MIPEP: variants seen among roughly 807,000 people sequenced by gnomAD.
MIPEP encodes mitochondrial intermediate peptidase.
MIPEP carries 79 observed loss-of-function variants against 90.3 expected under a neutral mutation model. The ratio of observed to expected loss-of-function variants is 0.87; its 90% CI spans 0.73 to 1.05. The LOEUF (loss-of-function observed/expected upper bound fraction) is 1.05. Among genes scored for constraint, MIPEP ranks in the 50% least tolerant of loss-of-function variants. The pLI is 0.00. For synonymous variants in MIPEP, 334 were observed against 315.8 expected (o/e 1.06, Z -0.61); for missense variants, 940 against 905.6 (o/e 1.04, Z -0.49).
Position 23,771,954 on chromosome 13 carries a change from G to A in MIPEP, c.1849-11737C>T, listed in dbSNP as rs561158016. On this transcript the variant is annotated intron_variant, in intron 16 of 18. Coordinates refer to ENST00000382172, the MANE Select transcript of MIPEP (RefSeq NM_005932.4). ...AAAAGCCAGACGTGTGCAATTAGGAGGTGTGTCTTACGAAGGATTATGCTC... is the reference window on the plus strand; with the variant it reads ...AAAAGCCAGACGTGTGCAATTAGGAAGTGTGTCTTACGAAGGATTATGCTC... 1.5e-3 allele frequency among the ~76,000 whole-genome samples: 225 copies of A among 152,154 alleles called. 1 individual carries two copies. Among genetic ancestry groups the A allele is most frequent in the Middle Eastern group, 6.8e-3 (2 of 294 alleles).
rs766225721 is a variant in MIPEP at position 23,869,389 on chromosome 13, TA to T, written c.845del (p.Leu282Ter). 1 of 1,613,256 alleles carries T rather than the reference TA, an allele frequency of 6.2e-7. No individual in the cohort carries two copies. The highest frequency in any genetic ancestry group is 8.5e-7 in the Non-Finnish European group (1 of 1,179,838). On this transcript the variant is annotated frameshift_variant, in exon 7 of 19. Coordinates refer to ENST00000382172, the MANE Select transcript of MIPEP (RefSeq NM_005932.4). LOFTEE classifies it high-confidence loss of function. The stretch of plus-strand genomic sequence containing the variant: ...GATCTCTGCTGCTGAGCAATTCTTC[TA>T]AACATTTCAATTGACCAGCATTGGG... ...LYPNAGQLKC[L>X]EELLSSRDLL...
At chr13:23,853,918 C>T (rs976403306) in intron 10 of MIPEP, among the ~76,000 whole-genome samples, 1 of 150,974 alleles carries the variant, frequency 6.6e-6, no homozygotes, top group Non-Finnish European at 1.5e-5. Context: ...CATGACTGTA[C>T]ATTAGTAATG....
intron 16 of MIPEP, among the ~76,000 whole-genome samples, chr13:23,798,219 G>T (rs1952985641): frequency 6.6e-6 from 1 of 152,144 alleles, no homozygotes; most frequent in African/African-American, 2.4e-5. Flanking sequence ...AAAAACAAAA[G>T]TGTGTTTGCT....
chr13:23,749,868 T>C (rs1013958791), intron 18 of MIPEP, among the ~76,000 whole-genome samples: 10 of 152,120 alleles, frequency 6.6e-5, no homozygotes, highest in African/African-American at 2.2e-4. Context: ...TTTCACAGTA[T>C]CCACAATGCC....
intron 9 of MIPEP, among the ~76,000 whole-genome samples, chr13:23,859,477 G>A (rs2137497963): frequency 6.6e-6 from 1 of 152,330 alleles, no homozygotes. Flanking sequence ...AGAAGGGAAA[G>A]CTTGAATACT....
chr13:23,760,408 C>T (rs1952529418), intron 16 of MIPEP, 191 bp from the exon 17 acceptor site: 3 of 790,142 alleles, frequency 3.8e-6, no homozygotes, highest in South Asian at 1.4e-5. Flanking sequence ...AACTGTGTCT[C>T]CTGAAAATTC....
At chr13:23,888,554 T>C (rs1369566950) in intron 1 of MIPEP, 8 of 287,878 alleles carry the variant, frequency 2.8e-5, no homozygotes, top group African/African-American at 1.6e-4. Flanking sequence ...AAGTGACCAA[T>C]TCCATGGCAC....
At chr13:23,790,531 A>G (rs1952887613) in intron 16 of MIPEP, among the ~76,000 whole-genome samples, 1 of 152,238 alleles carries the variant, frequency 6.6e-6, no homozygotes, top group African/African-American at 2.4e-5. Flanking sequence ...GAATTATCTG[A>G]GTACGCCCTA....
intron 16 of MIPEP, among the ~76,000 whole-genome samples, chr13:23,779,817 G>C (rs562640774): frequency 1.3e-5 from 2 of 152,336 alleles, no homozygotes; most frequent in East Asian, 3.9e-4. Context: ...TATATCCCGC[G>C]CCTGGCTCAG....
chr13:23,773,028 T>C (rs141808044), intron 16 of MIPEP, among the ~76,000 whole-genome samples: 93 of 152,312 alleles, frequency 6.1e-4, no homozygotes, highest in African/African-American at 2.0e-3. Context: ...GTGTACACTT[T>C]AATGGTTTTC....
chr13:23,850,083 A>G (rs760602496), intron 10 of MIPEP, among the ~76,000 whole-genome samples: 1 of 152,236 alleles, frequency 6.6e-6, no homozygotes. Flanking sequence ...GGCTTGTTAC[A>G]GAATGAACAA....
chr13:23,788,452 G>A (rs1177503070), intron 16 of MIPEP, among the ~76,000 whole-genome samples: 2 of 152,216 alleles, frequency 1.3e-5, no homozygotes, highest in Non-Finnish European at 2.9e-5. Flanking sequence ...CAACTGGAAT[G>A]TCATTGACTG....
chr13:23,767,128 T>C (rs1952599118), intron 16 of MIPEP, among the ~76,000 whole-genome samples: 1 of 152,080 alleles, frequency 6.6e-6, no homozygotes, highest in African/African-American at 2.4e-5. Context: ...ATTATGCCAA[T>C]AACCTGGGTG....
intron 16 of MIPEP, among the ~76,000 whole-genome samples, chr13:23,784,495 G>T (rs1413749561): frequency 1.3e-5 from 2 of 152,098 alleles, no homozygotes; most frequent in Non-Finnish European, 2.9e-5. Flanking sequence ...ATTCAAGGTG[G>T]ATTAAAGACT....
chr13:23,868,323 C>A (rs9318099), intron 7 of MIPEP, among the ~76,000 whole-genome samples: 1 of 151,970 alleles, frequency 6.6e-6, no homozygotes, highest in Admixed American at 6.5e-5. Flanking sequence ...CGTGACACGC[C>A]TGTAGCTTAA....
intron 16 of MIPEP, among the ~76,000 whole-genome samples, chr13:23,775,567 G>GT (rs1401587572): frequency 2.6e-5 from 4 of 152,156 alleles, no homozygotes; most frequent in Non-Finnish European, 5.9e-5. Context: ...TGCCTAAACT[G>GT]TAAGGCCTTT....
In MIPEP at chr13:23,742,294, C is replaced by T. The variant is rs114549038; in HGVS notation, c.2045-11849G>A. On this transcript the variant is annotated intron_variant, in intron 18 of 18. Coordinates refer to ENST00000382172, the MANE Select transcript of MIPEP (RefSeq NM_005932.4). ...AAACTTTAGGTGGCTCGAAAGAAGG[C>T]AATATATCCTGATGGTTAGAGCAAG... is the stretch of plus-strand genomic sequence containing the variant. 6.9e-3 allele frequency among the ~76,000 whole-genome samples: 1,054 copies of T among 152,198 alleles called. 18 individuals carry two copies. The highest frequency in any genetic ancestry group is 0.024 in the African/African-American group (1,015 of 41,520).
intron 16 of MIPEP, among the ~76,000 whole-genome samples, chr13:23,763,150 T>C (rs867527424): frequency 6.6e-6 from 1 of 152,264 alleles, no homozygotes; most frequent in Non-Finnish European, 1.5e-5. Flanking sequence ...CACAGTCCAA[T>C]GTACTCTGTC....
At chr13:23,800,973 T>C (rs935962546) in intron 16 of MIPEP, among the ~76,000 whole-genome samples, 2 of 152,214 alleles carry the variant, frequency 1.3e-5, no homozygotes, top group African/African-American at 2.4e-5. Flanking sequence ...ACTTAAAGAA[T>C]TGCTAATATA....
Sources: gnomAD v4.1 joint callset for allele counts (sites outside exome capture counted in the v4.1 genomes callset) on GRCh38, gnomAD v4.1.1 for gene constraint, MANE v1.5 for transcripts, NCBI Gene and HGNC (gene_info 2026-07-23, HGNC 2026-07-21) for gene names.